WSCD2: variants seen among roughly 807,000 people sequenced by gnomAD.
WSCD2 encodes WSC domain sialate O sulfotransferase 2.
In WSCD2, 28 loss-of-function variants were observed where a neutral mutation model predicts 55.7. That is an observed-to-expected ratio of 0.50 (90% CI 0.37 to 0.69). The LOEUF is 0.69. WSCD2 is among the 30% of genes least tolerant of loss of function. WSCD2 has a pLI of 0.00. For missense variants in WSCD2, 616 were observed against 762.1 expected (o/e 0.81, Z 2.26); for synonymous variants, 301 against 301.9 (o/e 1.00, Z 0.03).
chr12:108,131,017 A>G (rs1204941285), intron 1 of WSCD2, among the ~76,000 whole-genome samples: 2 of 152,224 alleles, frequency 1.3e-5, no homozygotes, highest in Non-Finnish European at 2.9e-5. Context: ...TGGGCTGGGC[A>G]TCTGCCTCTG....
At position 108,210,155 on chromosome 12, in the gene WSCD2, G is replaced by T; in HGVS notation, c.532G>T (p.Glu178Ter). The change falls in exon 4 of 9, where the codon GAG becomes TAG. Residue 178 changes from glutamate (E) to a stop codon, truncating the protein, a stop_gained. Transcript: ENST00000547525. LOFTEE classifies it high-confidence loss of function. This position sits in a 1 kb window ranked among gnomAD's most constrained non-coding sequence, Gnocchi z 4.3. ...YLYGGLEFGA[E>*]CYCGHKIQAT... is the part of the protein sequence containing the mutation. ...GTATGGCGGGCTGGAGTTCGGCGCCGAGTGCTACTGCGGCCACAAGATCCA... is the reference window on the plus strand; with the variant it reads ...GTATGGCGGGCTGGAGTTCGGCGCCTAGTGCTACTGCGGCCACAAGATCCA... 2 of 1,614,126 alleles carry T rather than the reference G, an allele frequency of 1.2e-6. No individual in the cohort carries two copies. Among genetic ancestry groups the T allele is most frequent in the African/African-American group, 1.3e-5 (1 of 75,046 alleles).
At chr12:108,200,059 T>C (rs750830330) in intron 2 of WSCD2, among the ~76,000 whole-genome samples, 8 of 152,234 alleles carry the variant, frequency 5.3e-5, no homozygotes, top group Non-Finnish European at 8.8e-5. Context: ...TGAACCCACT[T>C]TGACTTCAAA....
Position 108,210,272 on chromosome 12 carries a change from C to G in WSCD2, c.649C>G (p.Arg217Gly), listed in dbSNP as rs761058784. ...CGGCGCCAACCGCCTCTCTGTCTAC[C>G]GGCTGCAGCTGGCCCAGGAGTCGGC... ...CGGANRLSVY[R>G]LQLAQESARR... is the part of the protein sequence containing the mutation. Residue 217 changes from arginine (R) to glycine (G), a missense_variant, in exon 4 of 9, where the codon CGG (arginine) becomes GGG (glycine). By Grantham distance (125) the Arg-to-Gly change is moderately radical. Around this residue, in one of 3 missense-constraint regions of WSCD2, gnomAD observed 374 missense variants for 467.4 expected, o/e 0.80. Coordinates refer to ENST00000547525, the MANE Select transcript of WSCD2 (RefSeq NM_014653.4). The surrounding 1 kb of genome is among the most constrained non-coding windows in gnomAD (Gnocchi z 4.3). 3.7e-6 allele frequency: 6 copies of G among 1,604,320 alleles called. No homozygotes were observed. Among genetic ancestry groups the G allele is most frequent in the Non-Finnish European group, 8.5e-7 (1 of 1,176,056 alleles).
At chr12:108,205,834 G>A (rs1172234181) in intron 2 of WSCD2, among the ~76,000 whole-genome samples, 1 of 152,220 alleles carries the variant, frequency 6.6e-6, no homozygotes, top group Non-Finnish European at 1.5e-5. Flanking sequence ...GGAGGTAAAC[G>A]AAGTGAAATG....
intron 4 of WSCD2, among the ~76,000 whole-genome samples, chr12:108,213,168 A>G (rs1886430256): frequency 6.6e-6 from 1 of 152,202 alleles, no homozygotes; most frequent in Non-Finnish European, 1.5e-5. Flanking sequence ...ACAATGCCTG[A>G]CCTCAAGGAG....
At chr12:108,177,291 T>A (rs932456269) in intron 1 of WSCD2, among the ~76,000 whole-genome samples, 8 of 152,180 alleles carry the variant, frequency 5.3e-5, no homozygotes, top group Non-Finnish European at 1.2e-4. Context: ...GCGAGTTAGA[T>A]GAAGTAATGT....
chr12:108,153,958 G>C (rs1046957559), intron 1 of WSCD2, among the ~76,000 whole-genome samples: 3 of 152,108 alleles, frequency 2.0e-5, no homozygotes, highest in Non-Finnish European at 4.4e-5. Context: ...GGTACTGCTT[G>C]CCTTGATGCT....
intron 1 of WSCD2, among the ~76,000 whole-genome samples, chr12:108,146,892 A>G (rs1308154394): frequency 1.3e-5 from 2 of 152,226 alleles, no homozygotes; most frequent in East Asian, 1.9e-4. Context: ...AAGTCCGGCC[A>G]GTCCTTTTGG....
chr12:108,190,915 C>T (rs563674627), intron 1 of WSCD2, among the ~76,000 whole-genome samples: 2 of 152,274 alleles, frequency 1.3e-5, no homozygotes, highest in African/African-American at 2.4e-5. Flanking sequence ...ATTGTCTCAT[C>T]GAATCCTCCC....
chr12:108,233,154 C>G lies in WSCD2; in HGVS notation c.1144+259C>G, dbSNP rs144797378. ...CATTTGTCAAGTACTTATCCTATGC[C>G]TGGTACCTTTCCTCCATTTAGGTTA... On this transcript the variant is annotated intron_variant, in intron 7 of 8. Coordinates refer to ENST00000547525, the MANE Select transcript of WSCD2 (RefSeq NM_014653.4). 1.1e-5 allele frequency: 4 copies of G among 371,282 alleles called. No individual in the cohort carries two copies. In the East Asian group the frequency reaches 1.8e-4, roughly 17 times the overall value. The allele number at this position is 371,282 out of a possible 1,614,324, so 23.0% of individuals were successfully genotyped here.
At chr12:108,187,834 G>A (rs1416429368) in intron 1 of WSCD2, among the ~76,000 whole-genome samples, 2 of 152,144 alleles carry the variant, frequency 1.3e-5, no homozygotes, top group Non-Finnish European at 2.9e-5. Flanking sequence ...ACCGCCCTGA[G>A]GCAGGTTCAG....
At chr12:108,175,790 A>T (rs1276821148) in intron 1 of WSCD2, among the ~76,000 whole-genome samples, 1 of 152,240 alleles carries the variant, frequency 6.6e-6, no homozygotes, top group African/African-American at 2.4e-5. Context: ...CAGCCAGCAT[A>T]GGAGGAAAAA....
chr12:108,212,381 A>G (rs1052463445), intron 4 of WSCD2, among the ~76,000 whole-genome samples: 1 of 152,178 alleles, frequency 6.6e-6, no homozygotes, highest in African/African-American at 2.4e-5. Flanking sequence ...GCTGAGACAG[A>G]TAACAAGAAT....
rs192737330 is a variant in WSCD2 at position 108,179,713 on chromosome 12, G to A, written c.-551-15569G>A. Among the ~76,000 whole-genome samples the A allele has an allele frequency of 9.2e-5, 14 of 152,282 alleles. No individual in the cohort carries two copies. The East Asian group carries it at 2.7e-3, about 29-fold the overall frequency. The stretch of plus-strand genomic sequence containing the variant: ...GCAGTGGTGCCACTAAAATCCCTCT[G>A]GAGCCACACAGCCCTAGGTTGAAAT... On this transcript the variant is annotated intron_variant, in intron 1 of 8. Coordinates refer to ENST00000547525, the MANE Select transcript of WSCD2 (RefSeq NM_014653.4).
chr12:108,164,340 G>A (rs973879696), intron 1 of WSCD2, among the ~76,000 whole-genome samples: 1 of 151,658 alleles, frequency 6.6e-6, no homozygotes, highest in African/African-American at 2.4e-5. Flanking sequence ...TGATACCCCT[G>A]TCACCAGAGA....
intron 1 of WSCD2, among the ~76,000 whole-genome samples, chr12:108,138,229 C>T (rs1372552347): frequency 6.6e-6 from 1 of 152,148 alleles, no homozygotes; most frequent in Non-Finnish European, 1.5e-5. Flanking sequence ...GAAGACCCAC[C>T]ACTGGGACAG....
chr12:108,216,843 A>T (rs4964660), intron 4 of WSCD2, among the ~76,000 whole-genome samples: 114,299 of 152,170 alleles, frequency 0.75, 43,103 homozygotes, highest in East Asian at 0.86. Context: ...GGAAATTAAC[A>T]CCCTGGCAGG....
At chr12:108,224,416 T>G (rs1225408143) in intron 4 of WSCD2, among the ~76,000 whole-genome samples, 1 of 152,038 alleles carries the variant, frequency 6.6e-6, no homozygotes, top group Non-Finnish European at 1.5e-5. Flanking sequence ...ATTGCCATGG[T>G]TGGGAATGAG....
intron 7 of WSCD2, among the ~76,000 whole-genome samples, chr12:108,234,223 A>G (rs1889066808): frequency 6.6e-6 from 1 of 152,264 alleles, no homozygotes; most frequent in South Asian, 2.1e-4. Flanking sequence ...CAACGTCGTC[A>G]ATAAAAGTTG....
Sources: allele counts gnomAD v4.1 joint callset (sites outside exome capture counted in the v4.1 genomes callset), GRCh38; gene constraint gnomAD v4.1.1; regional missense constraint gnomAD v4.1.1; non-coding constraint Gnocchi (gnomAD v3.1); transcripts MANE v1.5; gene names NCBI Gene and HGNC (gene_info 2026-07-23, HGNC 2026-07-21).